Variants in KDM4C observed in about 807,000 individuals in gnomAD.
KDM4C encodes lysine demethylase 4C.
KDM4C carries 81 observed loss-of-function variants against 129.3 expected under a neutral mutation model. That is an observed-to-expected ratio of 0.63 (90% CI 0.52 to 0.75). The LOEUF is 0.75. KDM4C is among the 30% of genes least tolerant of loss of function. The pLI is 0.00. For missense variants in KDM4C, 1,457 were observed against 1,304.0 expected (o/e 1.12, Z -1.81); for synonymous variants, 573 against 456.1 (o/e 1.26, Z -3.26).
chr9:7,170,762 G>T, intron 21 of KDM4C: 1 of 983,786 alleles, frequency 1.0e-6, no homozygotes, highest in Non-Finnish European at 1.2e-6. Context: ...TGTCTGCAGT[G>T]ATAGAGTCAC....
intron 3 of KDM4C, among the ~76,000 whole-genome samples, 197 bp from the exon 4 acceptor site, chr9:6,814,434 A>G (rs972540440): frequency 1.3e-5 from 2 of 152,194 alleles, no homozygotes; most frequent in Admixed American, 1.3e-4. Context: ...GTAAAGTAAT[A>G]TTGAGTATTC....
intron 11 of KDM4C, among the ~76,000 whole-genome samples, chr9:6,990,211 C>T (rs549751966): frequency 6.6e-6 from 1 of 152,152 alleles, no homozygotes; most frequent in Non-Finnish European, 1.5e-5. Context: ...ATTAATTGAC[C>T]TCTGGCTAAA....
intron 15 of KDM4C, among the ~76,000 whole-genome samples, chr9:7,021,782 T>C (rs1824905551): frequency 6.6e-6 from 1 of 152,198 alleles, no homozygotes; most frequent in South Asian, 2.1e-4. Flanking sequence ...AGTTTCATAG[T>C]TTCAGGTCTT....
intron 1 of KDM4C, among the ~76,000 whole-genome samples, chr9:6,739,734 C>T (rs1817629011): frequency 6.6e-6 from 1 of 150,652 alleles, no homozygotes; most frequent in Non-Finnish European, 1.5e-5. Context: ...ATGTGGCTCA[C>T]AATTGTAATC....
chr9:7,129,635 C>T (rs1224889391), intron 19 of KDM4C, among the ~76,000 whole-genome samples: 2 of 152,162 alleles, frequency 1.3e-5, no homozygotes, highest in Non-Finnish European at 2.9e-5. Flanking sequence ...AATCCTTGCT[C>T]AGTCTTGGTG....
chr9:7,014,993 A>T (rs542586124), intron 14 of KDM4C, among the ~76,000 whole-genome samples: 1 of 151,962 alleles, frequency 6.6e-6, no homozygotes, highest in Non-Finnish European at 1.5e-5. Context: ...AAGCACCAGG[A>T]CACAAAATAA....
intron 8 of KDM4C, among the ~76,000 whole-genome samples, chr9:6,940,019 TTCCTTCCTTCCTTCTTTCCTTCCTTCCC>T (rs1281407740): frequency 1.4e-4 from 19 of 134,224 alleles, no homozygotes; most frequent in African/African-American, 2.3e-4. Context: ...CCTTCCTTCC[TTCCTTCCTTCCTTCTTTCCTTCCTTCCC>T]TCCTTCCCTC....
chr9:6,972,001 G>T (rs1832063262), intron 8 of KDM4C, among the ~76,000 whole-genome samples: 1 of 152,124 alleles, frequency 6.6e-6, no homozygotes, highest in Non-Finnish European at 1.5e-5. Flanking sequence ...CCTGATGCCT[G>T]TCTTCACCGA....
In KDM4C at chr9:7,139,155, G is replaced by C. The variant is rs1162883137; in HGVS notation, c.2781+10919G>C. On this transcript the variant is annotated intron_variant, in intron 19 of 21. Transcript: ENST00000381309. ...CCAGGCATGGTGGTATGCATCTTTA[G>C]TCCCAGGTACTCAGGAGGCTGAGGT... is the stretch of plus-strand genomic sequence containing the variant. Among the ~76,000 whole-genome samples, 22 of 152,120 alleles carry C rather than the reference G, an allele frequency of 1.4e-4. 1 individual carries two copies. The highest frequency in any genetic ancestry group is 1.4e-3 in the Admixed American group (22 of 15,274).
intron 17 of KDM4C, among the ~76,000 whole-genome samples, chr9:7,068,047 C>T (rs1046104772): frequency 2.0e-5 from 3 of 152,156 alleles, no homozygotes; most frequent in African/African-American, 4.8e-5. Flanking sequence ...CCACCCGCCT[C>T]GGCCTCCCAA....
In KDM4C at chr9:6,990,478, A is replaced by G; in HGVS notation, c.1740A>G (p.Ala580=). 1 of 1,613,894 alleles carries G rather than the reference A, an allele frequency of 6.2e-7. No homozygotes were observed. Among genetic ancestry groups the G allele is most frequent in the Non-Finnish European group, 8.5e-7 (1 of 1,179,950 alleles). Reference sequence around the variant, plus strand: ...GCCATCCACTTAGCAGGCCTCCAGCAAGATCTCCGATGACTCTTGTGAAGC... The same window carrying G: ...GCCATCCACTTAGCAGGCCTCCAGCGAGATCTCCGATGACTCTTGTGAAGC... ...SWRHPLSRPP[A]RSPMTLVKQQ... Residue 580 remains alanine, a synonymous_variant, in exon 12 of 22, where the codon GCA becomes GCG. Coordinates refer to ENST00000381309, the MANE Select transcript of KDM4C (RefSeq NM_015061.6).
intron 1 of KDM4C, among the ~76,000 whole-genome samples, chr9:6,732,866 A>G (rs1817398898): frequency 1.3e-5 from 2 of 152,202 alleles, no homozygotes; most frequent in African/African-American, 4.8e-5. Flanking sequence ...TACAAAAATT[A>G]GCTGGACGTG....
At chr9:7,104,692 A>AATT (rs1837479865) in intron 18 of KDM4C, among the ~76,000 whole-genome samples, 1 of 152,200 alleles carries the variant, frequency 6.6e-6, no homozygotes, top group Non-Finnish European at 1.5e-5. Flanking sequence ...TAGGAGGCTA[A>AATT]AGCATTGTCT....
At chr9:6,751,949 A>G (rs1261790066) in intron 1 of KDM4C, among the ~76,000 whole-genome samples, 1 of 152,214 alleles carries the variant, frequency 6.6e-6, no homozygotes, top group Non-Finnish European at 1.5e-5. Context: ...TTTGTTCTGC[A>G]GAAGAAAGCC....
At chr9:6,868,515 A>G (rs1329064898) in intron 5 of KDM4C, among the ~76,000 whole-genome samples, 1 of 152,106 alleles carries the variant, frequency 6.6e-6, no homozygotes, top group Non-Finnish European at 1.5e-5. Context: ...CACGTCCCTG[A>G]TATAAAGTGC....
In KDM4C at chr9:6,779,422, G is replaced by A. The variant is rs564566396; in HGVS notation, c.-17-13550G>A. ...TGCTGGAGTAGATCTAGCAGAAGTAGCTTGGGTCTGAAGAAATAGTTCTGG... is the reference window on the plus strand; with the variant it reads ...TGCTGGAGTAGATCTAGCAGAAGTAACTTGGGTCTGAAGAAATAGTTCTGG... On this transcript the variant is annotated intron_variant, in intron 1 of 21. Coordinates refer to ENST00000381309, the MANE Select transcript of KDM4C (RefSeq NM_015061.6). Among the ~76,000 whole-genome samples, 6 of 152,280 alleles carry A rather than the reference G, an allele frequency of 3.9e-5. No individual in the cohort carries two copies. The South Asian group carries it at 1.2e-3, about 32-fold the overall frequency.
intron 12 of KDM4C, among the ~76,000 whole-genome samples, chr9:7,003,140 A>T (rs1362421895): frequency 6.6e-6 from 1 of 152,212 alleles, no homozygotes; most frequent in Non-Finnish European, 1.5e-5. Context: ...TGCCAGGATT[A>T]CAGACGTGAG....
chr9:6,732,502 C>A (rs1210766188), intron 1 of KDM4C, among the ~76,000 whole-genome samples: 3 of 151,446 alleles, frequency 2.0e-5, no homozygotes, highest in Non-Finnish European at 4.4e-5. Context: ...TGGAAACCAG[C>A]CTCCCAAAGT....
chr9:6,886,058 C>T (rs1845211042), intron 6 of KDM4C, among the ~76,000 whole-genome samples: 1 of 152,104 alleles, frequency 6.6e-6, no homozygotes, highest in Non-Finnish European at 1.5e-5. Context: ...TTGATGGATC[C>T]ATTTGAATTG....
Sources: gnomAD v4.1 joint callset for allele counts (sites outside exome capture counted in the v4.1 genomes callset) on GRCh38, gnomAD v4.1.1 for gene constraint, MANE v1.5 for transcripts, NCBI Gene and HGNC (gene_info 2026-07-23, HGNC 2026-07-21) for gene names.